Variants in MUC3A observed in about 807,000 individuals in gnomAD.
MUC3A encodes mucin-3A.
In MUC3A, 109 loss-of-function variants were observed where a neutral mutation model predicts 109.0. The observed-to-expected ratio is 1.00, with a 90% CI of 0.86 to 1.17. MUC3A has a LOEUF of 1.17. Among genes scored for constraint, MUC3A ranks in the 50% most tolerant of loss-of-function variants. The pLI is 0.00. For synonymous variants in MUC3A, 1,398 were observed against 981.4 expected (o/e 1.42, Z -7.93); for missense variants, 3,537 against 2,469.4 (o/e 1.43, Z -9.16).
chr7:100,963,581 G>A lies in MUC3A; in HGVS notation c.9169-107G>A, dbSNP rs903255457. 1,902 of 1,543,182 alleles carry A rather than the reference G, an allele frequency of 1.2e-3. No individual in the cohort carries two copies. In the African/African-American group the frequency reaches 0.024, roughly 19 times the overall value. ...ATTACAGGCGTGAGCCACGGCACCC[G>A]GCCGGGGAGGGGAATTGAAGGGTCT... On this transcript the variant is annotated intron_variant, in intron 4 of 11. Transcript: ENST00000379458.
rs370932034 is a variant in MUC3A at position 100,959,602 on chromosome 7, C to A, written c.7823C>A (p.Thr2608Lys). 1.3e-4 allele frequency: 204 copies of A among 1,596,140 alleles called. No homozygotes were observed. Among genetic ancestry groups the A allele is most frequent in the Non-Finnish European group, 1.5e-4 (175 of 1,178,088 alleles). The change falls in exon 2 of 12, where the codon ACG (threonine) becomes AAG (lysine). Residue 2608 changes from threonine to lysine, a missense_variant. Transcript: ENST00000379458. ...ACCTTTGGAAGTACGGATTCCTCCA[C>A]GTCCACTCTTCATACTCTTACTCCA... The part of the protein sequence containing the change: ...TVTFGSTDSS[T>K]STLHTLTPST...
rs577591964 is a variant in MUC3A, at chr7:100,960,943, T to C, written c.9052+6T>C. On this transcript the variant is annotated splice_donor_region_variant and intron_variant, in intron 3 of 11. Transcript: ENST00000379458. Reference sequence around the variant, plus strand: ...TGTGGAACAGGTGGATCTAGGTGAGTTGCCAGAGCTATGCCTTCTGCACTT... The same window carrying C: ...TGTGGAACAGGTGGATCTAGGTGAGCTGCCAGAGCTATGCCTTCTGCACTT... 9 of 1,598,528 alleles carry C rather than the reference T, an allele frequency of 5.6e-6. No homozygotes were observed. The East Asian group carries it at 1.3e-4, about 24-fold the overall frequency.
rs547187146 is a variant in MUC3A at position 100,968,274 on chromosome 7, T to C, written c.*1112T>C. 23 of 153,002 alleles carry C rather than the reference T, an allele frequency of 1.5e-4. No individual in the cohort carries two copies. The highest frequency in any genetic ancestry group is 4.8e-4 in the African/African-American group (20 of 41,590). 9.5% of individuals were successfully genotyped at this position (153,002 alleles called of 1,614,324 possible). ...TCCTCAGTCGCCTTGGCGGGGAAGA[T>C]TGGCTTTGGGGACAGGAAGTCGGCA... On this transcript the variant is annotated 3_prime_UTR_variant, in exon 12 of 12. Transcript: ENST00000379458.
chr7:100,957,358 C>T lies in MUC3A; in HGVS notation c.5579C>T (p.Thr1860Ile). The T allele has an allele frequency of 3.2e-6, 2 of 629,558 alleles. No homozygotes were observed. Among genetic ancestry groups the T allele is most frequent in the East Asian group, 2.8e-5 (1 of 35,898 alleles). The allele number at this position is 629,558 out of a possible 1,614,324, so 39.0% of individuals were successfully genotyped here. ...TCCACGACCAGAACCACCTATTCCA[C>T]CAATATGACAGGTACATTGTCCACT... ...TDSTTRTTYS[T>I]NMTGTLSTVT... Residue 1860 changes from threonine (T) to isoleucine (I), a missense_variant, in exon 2 of 12, where the codon ACC becomes ATC. Transcript: ENST00000379458.
chr7:100,955,508 C>A lies in MUC3A; in HGVS notation c.3729C>A (p.Ile1243=), dbSNP rs991309740. The A allele has an allele frequency of 1.9e-6, 1 of 527,650 alleles. No individual in the cohort carries two copies. The highest frequency in any genetic ancestry group is 2.0e-5 in the African/African-American group (1 of 51,244). The allele number at this position is 527,650 out of a possible 1,614,324, so 32.7% of individuals were successfully genotyped here. ...STSVIPSSPS[I]QNTETSSLVS... ...GTGTCATTCCATCTTCCCCCAGCAT[C>A]CAGAATACAGAAACCTCATCCCTTG... is the stretch of plus-strand genomic sequence containing the variant. The change falls in exon 2 of 12, where the codon ATC becomes ATA. Residue 1243 remains isoleucine, a synonymous_variant. Transcript: ENST00000379458.
In MUC3A at chr7:100,959,290, C is replaced by T. The variant is rs368515755; in HGVS notation, c.7511C>T (p.Thr2504Ile). Residue 2504 changes from threonine (T) to isoleucine (I), a missense_variant, in exon 2 of 12, where the codon ACT (threonine) becomes ATT (isoleucine). By Grantham distance (89) the Thr-to-Ile change is moderately conservative. Coordinates refer to ENST00000379458, the MANE Select transcript of MUC3A (RefSeq NM_005960.2). ...PSSVGTSTSL[T>I]TTTDFPSIPT... ...TCTGTGGGCACCAGCACTTCATTGA[C>T]TACAACCACAGACTTTCCCTCTATA... 9 of 1,587,578 alleles carry T rather than the reference C, an allele frequency of 5.7e-6. No homozygotes were observed. The highest frequency in any genetic ancestry group is 2.7e-5 in the African/African-American group (2 of 74,840).
intron 3 of MUC3A, 103 bp from the exon 4 acceptor site, chr7:100,963,048 G>A: frequency 7.6e-7 from 1 of 1,317,182 alleles, no homozygotes. Context: ...CAGGGATCTT[G>A]GAGGGGAGCA....
chr7:100,964,210 G>A (rs1792444515), intron 5 of MUC3A: 2 of 220,672 alleles, frequency 9.1e-6, no homozygotes, highest in East Asian at 1.1e-4. Context: ...GGCTAGGCGG[G>A]TGGATCACCT....
intron 3 of MUC3A, 182 bp downstream of exon 3, chr7:100,961,119 G>T (rs2116206838): frequency 2.1e-6 from 2 of 974,504 alleles, no homozygotes; most frequent in Non-Finnish European, 2.4e-6. Flanking sequence ...CTCACCCTTA[G>T]GAGGTGGCTG....
At position 100,965,856 on chromosome 7, in the gene MUC3A, C is replaced by T. The variant is rs1792518144; in HGVS notation, c.9601C>T (p.Pro3201Ser). The change falls in exon 8 of 12, where the codon CCC (proline) becomes TCC (serine). Residue 3201 changes from proline (P) to serine (S), a missense_variant. By Grantham distance (74) the Pro-to-Ser change is moderately conservative (BLOSUM62 -1). Transcript: ENST00000379458. ...CCAGTGCGTTCTGGAGACGAGCGGTCCCACGTGTCGGTAAGGCCCCGCTCA... is the reference window on the plus strand; with the variant it reads ...CCAGTGCGTTCTGGAGACGAGCGGTTCCACGTGTCGGTAAGGCCCCGCTCA... ...QGQCVLETSG[P>S]TCRCYSTDTH... is the part of the protein sequence containing the mutation. 3.8e-6 allele frequency: 6 copies of T among 1,593,958 alleles called. No individual in the cohort carries two copies. The highest frequency in any genetic ancestry group is 5.1e-6 in the Non-Finnish European group (6 of 1,176,754).
chr7:100,966,084 AGAGAACCCCGCCCACTCATTCTAGG>A, intron 8 of MUC3A: 1 of 467,482 alleles, frequency 2.1e-6, no homozygotes, highest in Non-Finnish European at 3.0e-6. Flanking sequence ...TAATTCTGGG[AGAGAACCCCGCCCACTCATTCTAGG>A]GTGGGGCCCC....
Position 100,952,815 on chromosome 7 carries a change from G to A in MUC3A, c.1036G>A (p.Asp346Asn), listed in dbSNP as rs1448967669. The change falls in exon 2 of 12, where the codon GAC (aspartate) becomes AAC (asparagine). Residue 346 changes from aspartate (D) to asparagine (N), a missense_variant. By Grantham distance (23) the Asp-to-Asn change is conservative. Coordinates refer to ENST00000379458, the MANE Select transcript of MUC3A (RefSeq NM_005960.2). ...TACTTCTCCCACCAGCACTGTCACA[G>A]ACTCCACTACCAAAATCGCCTACTC... Reference protein sequence around the residue: ...YTTSPTSTVTDSTTKIAYSTS... With the variant: ...YTTSPTSTVTNSTTKIAYSTS... 3.2e-6 allele frequency: 5 copies of A among 1,541,532 alleles called. No homozygotes were observed. The highest frequency in any genetic ancestry group is 4.4e-6 in the Non-Finnish European group (5 of 1,149,282).
chr7:100,962,437 G>A (rs146166107), intron 3 of MUC3A, among the ~76,000 whole-genome samples: 249 of 152,382 alleles, frequency 1.6e-3, no homozygotes, highest in Non-Finnish European at 3.0e-3. Flanking sequence ...AAAAAGTTAG[G>A]CTGATTAGCA....
At position 100,954,844 on chromosome 7, in the gene MUC3A, C is replaced by T. The variant is rs1368982050; in HGVS notation, c.3065C>T (p.Ser1022Phe). The change falls in exon 2 of 12, where the codon TCT becomes TTT. Residue 1022 changes from serine to phenylalanine, a missense_variant. Transcript: ENST00000379458. ...ATCACTCCCACCAATACAATGACTTCTATGAGAACTACAACCTATTGGCCC... is the reference window on the plus strand; with the variant it reads ...ATCACTCCCACCAATACAATGACTTTTATGAGAACTACAACCTATTGGCCC... ...SSITPTNTMT[S>F]MRTTTYWPTA... 4 of 417,088 alleles carry T rather than the reference C, an allele frequency of 9.6e-6. No individual in the cohort carries two copies. Among genetic ancestry groups the T allele is most frequent in the African/African-American group, 8.2e-5 (4 of 48,948 alleles). The allele number at this position is 417,088 out of a possible 1,614,324, so 25.8% of individuals were successfully genotyped here.
At chr7:100,963,303 T>TTTTTTTTTGA in intron 4 of MUC3A, 37 bp downstream of exon 4, 31 of 1,392,904 alleles carry the variant, frequency 2.2e-5, no homozygotes, top group Non-Finnish European at 2.7e-5. Context: ...TTTTTTTTTT[T>TTTTTTTTTGA]GAGGTGTAGT....
rs1452935256 is a variant in MUC3A, at chr7:100,960,618, A to T, written c.8839A>T (p.Thr2947Ser). ...RTTRITSQMT[T>S]QSTLTTTAGT... ...AACTCGCATCACTTCTCAGATGACC[A>T]CACAGTCCACGTTGACCACCACTGC... The change falls in exon 2 of 12, where the codon ACA becomes TCA. Residue 2947 changes from threonine (T) to serine (S), a missense_variant. Physicochemically the swap from Thr to Ser is moderately conservative, Grantham distance 58. Transcript: ENST00000379458. 1 of 1,598,470 alleles carries T rather than the reference A, an allele frequency of 6.3e-7. No individual in the cohort carries two copies. The highest frequency in any genetic ancestry group is 8.5e-7 in the Non-Finnish European group (1 of 1,179,668).
At chr7:100,966,004 A>C (rs1400616843) in intron 8 of MUC3A, 138 bp downstream of exon 8, 2 of 1,326,204 alleles carry the variant, frequency 1.5e-6, no homozygotes, top group Non-Finnish European at 2.0e-6. Context: ...CTCCAAGCCC[A>C]TCCCCGTTGC....
At position 100,952,673 on chromosome 7, in the gene MUC3A, C is replaced by T. The variant is rs1178540182; in HGVS notation, c.894C>T (p.Val298=). The change falls in exon 2 of 12, where the codon GTC becomes GTT. Residue 298 remains valine (V), a synonymous_variant. Coordinates refer to ENST00000379458, the MANE Select transcript of MUC3A (RefSeq NM_005960.2). ...PTRTILSSTP[V]LSTETITSGI... is the part of the protein sequence containing the mutation. The stretch of plus-strand genomic sequence containing the variant: ...GGACCATTTTATCTTCCACACCTGT[C>T]CTGAGCACAGAAACAATCACCAGTG... 2 of 1,598,404 alleles carry T rather than the reference C, an allele frequency of 1.3e-6. No homozygotes were observed. The highest frequency in any genetic ancestry group is 1.3e-5 in the African/African-American group (1 of 74,946).
Position 100,954,299 on chromosome 7 carries a change from G to A in MUC3A, c.2520G>A (p.Met840Ile). The A allele has an allele frequency of 2.4e-6, 1 of 420,980 alleles. No individual in the cohort carries two copies. 26.1% of individuals were successfully genotyped at this position (420,980 alleles called of 1,614,324 possible). A position where few individuals can be genotyped will look rare whatever the true frequency, so the allele number is the denominator to read the frequency against. Reference protein sequence around the residue: ...SVGISGSLPMMTDLTSVYTVS... With the variant: ...SVGISGSLPMITDLTSVYTVS... ...GCATCAGTGGTTCATTACCTATGAT[G>A]ACAGACCTCACCTCAGTGTACACAG... is the stretch of plus-strand genomic sequence containing the variant. The change falls in exon 2 of 12, where the codon ATG becomes ATA. Residue 840 changes from methionine (M) to isoleucine (I), a missense_variant. By Grantham distance (10) the Met-to-Ile change is conservative (BLOSUM62 1). Coordinates refer to ENST00000379458, the MANE Select transcript of MUC3A (RefSeq NM_005960.2).
Sources: allele counts gnomAD v4.1 joint callset (sites outside exome capture counted in the v4.1 genomes callset), GRCh38; gene constraint gnomAD v4.1.1; transcripts MANE v1.5; gene names NCBI Gene and HGNC (gene_info 2026-07-23, HGNC 2026-07-21).